The following CNIH3 variants were observed in gnomAD, a reference collection of about 807,000 sequenced individuals.
CNIH3 encodes cornichon family AMPA receptor auxiliary protein 3.
Under a neutral mutation model 24.1 loss-of-function variants are expected in CNIH3, and 14 were observed. The observed-to-expected ratio is 0.58, with a 90% CI of 0.38 to 0.91. CNIH3 has a LOEUF of 0.91. Among genes scored for constraint, CNIH3 ranks in the 40% least tolerant of loss-of-function variants. The pLI, the probability that CNIH3 is intolerant of heterozygous loss-of-function variation, is 0.00. For synonymous variants in CNIH3, 68 were observed against 73.8 expected (o/e 0.92, Z 0.40); for missense variants, 178 against 196.8 (o/e 0.90, Z 0.57).
At chr1:224,597,619 G>A (rs1682039689) in intron 3 of CNIH3, among the ~76,000 whole-genome samples, 1 of 152,112 alleles carries the variant, frequency 6.6e-6, no homozygotes, top group Non-Finnish European at 1.5e-5. Context: ...ACTTGTGGAG[G>A]GTCCTAGAGG....
At chr1:224,456,408 T>C (rs1675655558) in intron 1 of CNIH3, among the ~76,000 whole-genome samples, 1 of 152,176 alleles carries the variant, frequency 6.6e-6, no homozygotes, top group Non-Finnish European at 1.5e-5. Context: ...CCCTTTCTTT[T>C]CTTTCTTTAA....
intron 1 of CNIH3, among the ~76,000 whole-genome samples, chr1:224,648,426 AAAAG>A (rs960024821): frequency 3.3e-5 from 5 of 151,784 alleles, no homozygotes; most frequent in African/African-American, 9.7e-5. Flanking sequence ...AAAAAAAAAA[AAAAG>A]AAAAGAAAAT....
At chr1:224,603,260 C>G (rs1682282129) in intron 3 of CNIH3, among the ~76,000 whole-genome samples, 1 of 152,224 alleles carries the variant, frequency 6.6e-6, no homozygotes, top group South Asian at 2.1e-4. Flanking sequence ...TGCAGTTTAT[C>G]TGCTTAGGAA....
rs374960910 is a variant in CNIH3 at position 224,684,747 on chromosome 1, G to A, written c.151-49G>A. ...TGCGGGGCCTTCTCATGCTATTTTAGCAGAACCCCTAACCTCCCCTCTCAT... is the reference window on the plus strand; with the variant it reads ...TGCGGGGCCTTCTCATGCTATTTTAACAGAACCCCTAACCTCCCCTCTCAT... On this transcript the variant is annotated intron_variant, in intron 2 of 5. Coordinates refer to ENST00000272133, the MANE Select transcript of CNIH3 (RefSeq NM_152495.2). The surrounding 1 kb of genome is among the most constrained non-coding windows in gnomAD (Gnocchi z 4.2). 1.5e-4 allele frequency: 234 copies of A among 1,565,724 alleles called. 1 individual carries two copies. The highest frequency in any genetic ancestry group is 2.4e-4 in the South Asian group (22 of 90,178).
intron 3 of CNIH3, among the ~76,000 whole-genome samples, chr1:224,720,078 G>A (rs7525829): frequency 0.18 from 27,572 of 152,000 alleles, 2,573 homozygotes; most frequent in African/African-American, 0.25. Context: ...TGTGCACTCA[G>A]TAAATATTAA....
At chr1:224,628,186 G>A (rs1288110390) in intron 1 of CNIH3, among the ~76,000 whole-genome samples, 1 of 151,916 alleles carries the variant, frequency 6.6e-6, no homozygotes, top group Non-Finnish European at 1.5e-5. Context: ...TGTATTCGCC[G>A]GCTACCTGAG....
intron 1 of CNIH3, among the ~76,000 whole-genome samples, chr1:224,501,529 T>TAC (rs1677669559): frequency 1.4e-5 from 2 of 146,708 alleles, no homozygotes; most frequent in African/African-American, 5.2e-5. Context: ...ATATATATTT[T>TAC]TTTTTTTTAA....
rs1685403082 is a variant in CNIH3, at chr1:224,662,319, AATT to A, written c.82-18635_82-18633del. Reference sequence around the variant, plus strand: ...CAGAGCTAGTCATTATTTCCTTGTTAATTATTTTTATAACCTGTGCATATTAAG... The same window carrying A: ...CAGAGCTAGTCATTATTTCCTTGTTAATTTTTATAACCTGTGCATATTAAG... On this transcript the variant is annotated intron_variant, in intron 1 of 5. Coordinates refer to ENST00000272133, the MANE Select transcript of CNIH3 (RefSeq NM_152495.2). Among the ~76,000 whole-genome samples, 4 of 152,280 alleles carry A rather than the reference AATT, an allele frequency of 2.6e-5. No individual in the cohort carries two copies. The South Asian group carries it at 8.3e-4, about 32-fold the overall frequency.
In CNIH3 at chr1:224,480,723, T is replaced by C. The variant is rs531257941; in HGVS notation, n.204-35018T>C. 2.0e-5 allele frequency among the ~76,000 whole-genome samples: 3 copies of C among 152,262 alleles called. No individual in the cohort carries two copies. In the East Asian group the frequency reaches 5.8e-4, roughly 29 times the overall value. On this transcript the variant is annotated intron_variant and non_coding_transcript_variant, in intron 1 of 5. Coordinates refer to the CNIH3 transcript ENST00000471578. ...ATTTTTGCCCCAGTTCCCGACAAGT[T>C]CCCCATCTCCATCTGAGACCACCTC...
chr1:224,553,195 A>AG (rs200665961), intron 3 of CNIH3, among the ~76,000 whole-genome samples: 1 of 149,638 alleles, frequency 6.7e-6, no homozygotes, highest in Non-Finnish European at 1.5e-5. Flanking sequence ...ATAATATCAC[A>AG]GGGGGTATAC....
chr1:224,539,540 C>A (rs1679430384), downstream of CNIH3, among the ~76,000 whole-genome samples: 1 of 152,174 alleles, frequency 6.6e-6, no homozygotes, highest in Admixed American at 6.5e-5. Context: ...TGGCTCCTTG[C>A]TCTCCAAGAT....
chr1:224,661,600 T>C, intron 1 of CNIH3: 1 of 367,358 alleles, frequency 2.7e-6, no homozygotes, highest in Non-Finnish European at 5.2e-6. Flanking sequence ...GAAGACATCA[T>C]CTACGTTATG....
chr1:224,435,183 AGAAG>A, intron 1 of CNIH3: 1 of 986,492 alleles, frequency 1.0e-6, no homozygotes, highest in Non-Finnish European at 1.2e-6. Context: ...CATCAGGTGC[AGAAG>A]GTGAGGATGG....
intron 1 of CNIH3, among the ~76,000 whole-genome samples, chr1:224,465,779 G>A (rs1171409991): frequency 6.6e-6 from 1 of 152,178 alleles, no homozygotes. Flanking sequence ...TGTAACCACA[G>A]CACTTTGGGA....
At chr1:224,646,726 A>T (rs1181918176) in intron 1 of CNIH3, among the ~76,000 whole-genome samples, 1 of 152,166 alleles carries the variant, frequency 6.6e-6, no homozygotes, top group Non-Finnish European at 1.5e-5. Flanking sequence ...AGGTTTTTAA[A>T]GGCAAAAGGG....
At chr1:224,518,341 T>C (rs1000906396) in intron 1 of CNIH3, among the ~76,000 whole-genome samples, 1 of 152,182 alleles carries the variant, frequency 6.6e-6, no homozygotes, top group African/African-American at 2.4e-5. Context: ...TTTTATTTAT[T>C]TAGTTTTTTT....
At chr1:224,630,278 G>C (rs1016983644) in intron 1 of CNIH3, among the ~76,000 whole-genome samples, 2 of 152,102 alleles carry the variant, frequency 1.3e-5, no homozygotes, top group African/African-American at 4.8e-5. Flanking sequence ...AGAGAGTGTG[G>C]ACCAGGCGGC....
intron 3 of CNIH3, among the ~76,000 whole-genome samples, chr1:224,610,210 C>T (rs1442466777): frequency 1.3e-5 from 2 of 152,166 alleles, no homozygotes; most frequent in Non-Finnish European, 2.9e-5. Context: ...GTATTAAATG[C>T]ATTTTGATGT....
rs954362469 is a variant in CNIH3 at position 224,704,036 on chromosome 1, G to A, written c.198+19193G>A. 6.7e-6 allele frequency among the ~76,000 whole-genome samples: 1 copy of A among 149,654 alleles called. No individual in the cohort carries two copies. Among genetic ancestry groups the A allele is most frequent in the Non-Finnish European group, 1.5e-5 (1 of 68,032 alleles). On this transcript the variant is annotated intron_variant, in intron 3 of 5. Transcript: ENST00000272133. The surrounding 1 kb of genome is among the most constrained non-coding windows in gnomAD (Gnocchi z 4.2). Reference sequence around the variant, plus strand: ...TCTGTAATACATCTCTCAGAGGTGCGCCTTTGGTGGAGTGAGAACATGAAC... The same window carrying A: ...TCTGTAATACATCTCTCAGAGGTGCACCTTTGGTGGAGTGAGAACATGAAC...
Sources: allele counts gnomAD v4.1 joint callset (sites outside exome capture counted in the v4.1 genomes callset), GRCh38; gene constraint gnomAD v4.1.1; non-coding constraint Gnocchi (gnomAD v3.1); transcripts MANE v1.5; gene names NCBI Gene and HGNC (gene_info 2026-07-23, HGNC 2026-07-21).